Variants in CTNS observed in about 807,000 individuals in gnomAD.
The protein encoded by CTNS is cystinosin.
Under a neutral mutation model 43.7 loss-of-function variants are expected in CTNS, and 27 were observed. The ratio of observed to expected loss-of-function variants is 0.62; its 90% CI spans 0.46 to 0.85. The LOEUF (loss-of-function observed/expected upper bound fraction) is 0.85, where lower values mean the gene tolerates loss of function less well. CTNS is among the 40% of genes least tolerant of loss of function. The pLI, the probability that CTNS is intolerant of heterozygous loss-of-function variation, is 0.00. For synonymous variants in CTNS, 187 were observed against 190.6 expected (o/e 0.98, Z 0.16); for missense variants, 457 against 475.4 (o/e 0.96, Z 0.36).
At chr17:3,656,454 C>T (rs1188270175) in intron 7 of CTNS, 33 bp from the exon 8 acceptor site, 4 of 1,467,034 alleles carry the variant, frequency 2.7e-6, no homozygotes, top group Non-Finnish European at 3.7e-6. Flanking sequence ...AGTCTTCACC[C>T]CCTGCCCTGT....
rs1299641109 is a variant in CTNS at position 3,660,251 on chromosome 17, T to C, written c.986T>C (p.Ile329Thr). The C allele has an allele frequency of 6.2e-7, 1 of 1,614,238 alleles. No homozygotes were observed. The highest frequency in any genetic ancestry group is 8.5e-7 in the Non-Finnish European group (1 of 1,180,046). Residue 329 changes from isoleucine (I) to threonine (T), a missense_variant, in exon 12 of 12, where the codon ATC becomes ACC. Transcript: ENST00000046640. Reference protein sequence around the residue: ...QSYNNDQWTLIFGDPTKFGLG... With the variant: ...QSYNNDQWTLTFGDPTKFGLG... ...CTGCTAACAGACCAGTGGACGCTGA[T>C]CTTCGGAGACCCAACCAAGTTTGGA...
chr17:3,644,719 C>T (rs1288929241), intron 3 of CTNS, among the ~76,000 whole-genome samples: 1 of 152,214 alleles, frequency 6.6e-6, no homozygotes, highest in Non-Finnish European at 1.5e-5. Context: ...CTGCCTCGGC[C>T]TCCCAAAATG....
At position 3,659,847 on chromosome 17, in the gene CTNS, G is replaced by A. The variant is rs772671847; in HGVS notation, c.853-11G>A. The A allele has an allele frequency of 2.4e-5, 39 of 1,607,622 alleles. 1 individual carries two copies. In the South Asian group the frequency reaches 3.5e-4, roughly 15 times the overall value. On this transcript the variant is annotated splice_polypyrimidine_tract_variant and intron_variant, in intron 10 of 11. Coordinates refer to ENST00000046640, the MANE Select transcript of CTNS (RefSeq NM_004937.3). ...CCGCCCTCCGTCTGTCTGTCCGTCT[G>A]TCTGGCCCAGGCCTACATGAACTTT...
intron 3 of CTNS, among the ~76,000 whole-genome samples, chr17:3,641,633 C>T (rs1443573257): frequency 3.3e-5 from 5 of 151,616 alleles, no homozygotes; most frequent in African/African-American, 9.7e-5. Context: ...CCTCGTGGCT[C>T]GCCTGCCTTG....
Position 3,660,460 on chromosome 17 carries a change from G to A in CTNS, c.*91G>A. On this transcript the variant is annotated 3_prime_UTR_variant, in exon 12 of 12. Transcript: ENST00000046640. ...AAGGCCGGAGAAGCGGTTGGGCCCT[G>A]GCACACAGGGCTGGCTCAGTGTGCG... 4 of 1,613,032 alleles carry A rather than the reference G, an allele frequency of 2.5e-6. No individual in the cohort carries two copies. The highest frequency in any genetic ancestry group is 3.3e-4 in the Middle Eastern group (2 of 6,060).
intron 10 of CTNS, among the ~76,000 whole-genome samples, chr17:3,658,808 T>C (rs1414360001): frequency 6.6e-6 from 1 of 152,148 alleles, no homozygotes. Flanking sequence ...ACTCTTAGGC[T>C]GAGCAGGACT....
chr17:3,651,799 C>A (rs948129444), intron 5 of CTNS, among the ~76,000 whole-genome samples: 1 of 151,548 alleles, frequency 6.6e-6, no homozygotes, highest in African/African-American at 2.4e-5. Flanking sequence ...ATGGTGAAAC[C>A]CCGTCTCTAC....
chr17:3,657,955 C>T lies in CTNS; in HGVS notation c.682-50C>T, dbSNP rs201241349. The T allele has an allele frequency of 1.1e-4, 179 of 1,598,792 alleles. No homozygotes were observed. The African/African-American group carries it at 1.5e-3, about 13-fold the overall frequency. The stretch of plus-strand genomic sequence containing the variant: ...ATCCGGGGCCGTCCTTGCTCAGCCC[C>T]GGCGTGGCCTCTGTGTGGGTCCACA... On this transcript the variant is annotated intron_variant, in intron 9 of 11. Transcript: ENST00000046640.
intron 3 of CTNS, among the ~76,000 whole-genome samples, chr17:3,642,041 C>CTGTGTGTGTGTGTGTGTGTGTGTGTG (rs371619089): frequency 2.8e-5 from 4 of 143,788 alleles, no homozygotes; most frequent in Admixed American, 6.9e-5. Flanking sequence ...TTGCCTGGGC[C>CTGTGTGTGTGTGTGTGTGTGTGTGTG]TGTGTGTGTG....
intron 3 of CTNS, among the ~76,000 whole-genome samples, chr17:3,641,359 C>CATATAT (rs1234064483): frequency 2.4e-3 from 50 of 21,102 alleles, no homozygotes; most frequent in African/African-American, 8.5e-3. Flanking sequence ...AAATCAGATA[C>CATATAT]ATATATATAT....
At chr17:3,638,989 G>C (rs56831513) in intron 2 of CTNS, among the ~76,000 whole-genome samples, 15,247 of 152,158 alleles carry the variant, frequency 0.1, 2,556 homozygotes, top group African/African-American at 0.35. Flanking sequence ...CCCTGGAGGA[G>C]ACGGGCCAAC....
intron 4 of CTNS, 105 bp from the exon 5 acceptor site, chr17:3,648,742 A>C: frequency 3.1e-6 from 3 of 978,156 alleles, no homozygotes; most frequent in Non-Finnish European, 5.0e-6. Context: ...AGCATTTCCT[A>C]AGCCTAACTG....
intron 5 of CTNS, among the ~76,000 whole-genome samples, chr17:3,653,769 G>A (rs938946110): frequency 2.6e-5 from 4 of 151,984 alleles, no homozygotes; most frequent in South Asian, 2.1e-4. Flanking sequence ...CCAGCTACTC[G>A]GGAGGCTGAG....
At chr17:3,650,546 G>A in intron 5 of CTNS, 3 of 489,492 alleles carry the variant, frequency 6.1e-6, no homozygotes, top group Non-Finnish European at 1.0e-5. Flanking sequence ...GGATCTCGGA[G>A]TGTCCAGCTA....
rs528521992 is a variant in CTNS at position 3,655,716 on chromosome 17, G to A, written c.461+364G>A. On this transcript the variant is annotated intron_variant, in intron 7 of 11. Coordinates refer to ENST00000046640, the MANE Select transcript of CTNS (RefSeq NM_004937.3). ...GTCCTGTAGTCTCGGTCTTTGGGAC[G>A]AAGCTGTCCCACCTTGACTTGCAAA... 9.7e-4 allele frequency: 335 copies of A among 346,420 alleles called. 3 individuals carry two copies. Among genetic ancestry groups the A allele is most frequent in the Middle Eastern group, 2.0e-3 (2 of 982 alleles). 21.5% of individuals were successfully genotyped at this position (346,420 alleles called of 1,614,324 possible).
chr17:3,659,782 G>A (rs941547199), intron 10 of CTNS, 76 bp from the exon 11 acceptor site: 8 of 1,017,638 alleles, frequency 7.9e-6, no homozygotes, highest in African/African-American at 4.7e-5. Flanking sequence ...TTGTTTGGAG[G>A]GGCAGTCACG....
chr17:3,641,384 A>ATATATATATATATTTTTTTTT (rs1555558526), intron 3 of CTNS, among the ~76,000 whole-genome samples: 2 of 31,204 alleles, frequency 6.4e-5, no homozygotes, highest in African/African-American at 2.3e-4. Context: ...ATATATATAT[A>ATATATATATATATTTTTTTTT]TTTTTTTTTT....
chr17:3,653,946 T>A (rs2076056767), intron 5 of CTNS, among the ~76,000 whole-genome samples: 1 of 152,118 alleles, frequency 6.6e-6, no homozygotes, highest in Non-Finnish European at 1.5e-5. Context: ...CCGGGTACTT[T>A]CCTTGAAGCA....
rs1485247959 is a variant in CTNS at position 3,658,169 on chromosome 17, T to G, written c.846T>G (p.Phe282Leu). ...TCGCAGTCACGCTGGTCAAGTATTTTCCACAGGTACCTCCAGGGCCCTGTT... is the reference window on the plus strand; with the variant it reads ...TCGCAGTCACGCTGGTCAAGTATTTGCCACAGGTACCTCCAGGGCCCTGTT... ...IKLAVTLVKY[F>L]PQAYMNFYYK... Residue 282 changes from phenylalanine to leucine, a missense_variant, in exon 10 of 12, where the codon TTT becomes TTG. Coordinates refer to ENST00000046640, the MANE Select transcript of CTNS (RefSeq NM_004937.3). 1 of 1,611,846 alleles carries G rather than the reference T, an allele frequency of 6.2e-7. No individual in the cohort carries two copies. Among genetic ancestry groups the G allele is most frequent in the Non-Finnish European group, 8.5e-7 (1 of 1,179,704 alleles).
Sources: allele counts gnomAD v4.1 joint callset (sites outside exome capture counted in the v4.1 genomes callset), GRCh38; gene constraint gnomAD v4.1.1; transcripts MANE v1.5; gene names NCBI Gene and HGNC (gene_info 2026-07-23, HGNC 2026-07-21).